Variants in UBE2Q2 observed in about 807,000 individuals in gnomAD.
UBE2Q2 encodes ubiquitin-conjugating enzyme E2 Q2.
Under a neutral mutation model 59.9 loss-of-function variants are expected in UBE2Q2, and 54 were observed. That is an observed-to-expected ratio of 0.90 (90% CI 0.72 to 1.13). UBE2Q2 has a LOEUF of 1.13. UBE2Q2 is among the 50% of genes most tolerant of loss of function. The pLI is 0.00. For synonymous variants in UBE2Q2, 165 were observed against 155.2 expected (o/e 1.06, Z -0.47); for missense variants, 433 against 441.9 (o/e 0.98, Z 0.18).
intron 12 of UBE2Q2, among the ~76,000 whole-genome samples, chr15:75,898,878 T>A (rs192826229): frequency 2.0e-5 from 3 of 152,306 alleles, no homozygotes; most frequent in African/African-American, 7.2e-5. Flanking sequence ...GCTCTTGTGT[T>A]GAAAACTCAG....
intron 1 of UBE2Q2, chr15:75,844,395 ACT>A: frequency 6.4e-7 from 1 of 1,551,190 alleles, no homozygotes; most frequent in Non-Finnish European, 8.7e-7. Flanking sequence ...TGGAATGCAG[ACT>A]CTGGTGCTGT....
At chr15:75,882,009 G>T (rs2141644851) in intron 8 of UBE2Q2, among the ~76,000 whole-genome samples, 1 of 152,302 alleles carries the variant, frequency 6.6e-6, no homozygotes, top group East Asian at 1.9e-4. Flanking sequence ...GAGGGTTGAT[G>T]TTATCTTGTC....
chr15:75,859,288 T>G (rs1897090637), intron 2 of UBE2Q2, among the ~76,000 whole-genome samples: 1 of 152,226 alleles, frequency 6.6e-6, no homozygotes, highest in Non-Finnish European at 1.5e-5. Flanking sequence ...CAGGTTTCAT[T>G]TAATCTTTAC....
chr15:75,866,884 A>C (rs1897518692), intron 3 of UBE2Q2, among the ~76,000 whole-genome samples: 1 of 152,088 alleles, frequency 6.6e-6, no homozygotes, highest in South Asian at 2.1e-4. Context: ...AGGTTTTAAA[A>C]TTCTATTTAT....
intron 1 of UBE2Q2, among the ~76,000 whole-genome samples, chr15:75,852,040 ATTTTT>A (rs1212982994): frequency 1.3e-5 from 2 of 151,682 alleles, no homozygotes; most frequent in Non-Finnish European, 2.9e-5. Flanking sequence ...TGCTTAGCTA[ATTTTT>A]TTATTTTTTT....
chr15:75,869,532 A>T (rs1240749192), intron 4 of UBE2Q2, among the ~76,000 whole-genome samples: 2 of 152,228 alleles, frequency 1.3e-5, no homozygotes, highest in Non-Finnish European at 2.9e-5. Context: ...AAGGCTGGGA[A>T]GTCCAAGATC....
At chr15:75,844,472 C>A (rs749528873) in intron 1 of UBE2Q2, 29 of 1,551,404 alleles carry the variant, frequency 1.9e-5, no homozygotes, top group Non-Finnish European at 1.4e-5. Flanking sequence ...AGCATAGTAC[C>A]GTCGTTGCGG....
chr15:75,845,258 G>A (rs1049107428), intron 1 of UBE2Q2, among the ~76,000 whole-genome samples: 4 of 152,120 alleles, frequency 2.6e-5, no homozygotes, highest in African/African-American at 9.7e-5. Context: ...GAAGGCTGGC[G>A]GAAGGGCATT....
At chr15:75,869,765 A>C in intron 4 of UBE2Q2, among the ~76,000 whole-genome samples, 1 of 152,204 alleles carries the variant, frequency 6.6e-6, no homozygotes, top group East Asian at 1.9e-4. Context: ...GAGCACATTT[A>C]AATCATAGCA....
rs1386869228 is a variant in UBE2Q2 at position 75,845,067 on chromosome 15, C to A, written c.180+1221C>A. On this transcript the variant is annotated intron_variant, in intron 1 of 12. Coordinates refer to ENST00000267938, the MANE Select transcript of UBE2Q2 (RefSeq NM_173469.4). ...CTAGTGTTGCAGAATTGAGTGAAGT[C>A]GTCCTCGCTCTCAGAACTCAGTCTT... Among the ~76,000 whole-genome samples the A allele has an allele frequency of 2.6e-5, 4 of 152,110 alleles. No individual in the cohort carries two copies. The South Asian group carries it at 8.3e-4, about 32-fold the overall frequency.
At chr15:75,895,716 G>C (rs997938553) in intron 11 of UBE2Q2, among the ~76,000 whole-genome samples, 2 of 152,010 alleles carry the variant, frequency 1.3e-5, no homozygotes, top group African/African-American at 4.8e-5. Flanking sequence ...TATATTGTCA[G>C]AAATCTACAA....
At chr15:75,892,774 G>C (rs1342469246) in intron 11 of UBE2Q2, among the ~76,000 whole-genome samples, 2 of 152,158 alleles carry the variant, frequency 1.3e-5, no homozygotes, top group Non-Finnish European at 2.9e-5. Flanking sequence ...TACTCAGGAG[G>C]CTGAGGTGGG....
At chr15:75,856,920 G>A (rs1350146209) in intron 2 of UBE2Q2, among the ~76,000 whole-genome samples, 5 of 150,190 alleles carry the variant, frequency 3.3e-5, no homozygotes, top group South Asian at 2.1e-4. Context: ...TAGCCTGGGC[G>A]ACAGAGCAAG....
intron 9 of UBE2Q2, among the ~76,000 whole-genome samples, chr15:75,885,197 G>A (rs8030948): frequency 0.93 from 141,161 of 152,078 alleles, 66,008 homozygotes; most frequent in East Asian, 1. Flanking sequence ...TCAGCTCACT[G>A]CAACCTCTGC....
chr15:75,844,125 A>T (rs764027730), intron 1 of UBE2Q2: 15 of 1,409,660 alleles, frequency 1.1e-5, no homozygotes, highest in Admixed American at 3.0e-5. Context: ...CCGAGGGGGG[A>T]GTCCGCGGCG....
intron 5 of UBE2Q2, 80 bp downstream of exon 5, chr15:75,873,648 C>T: frequency 7.0e-7 from 1 of 1,434,920 alleles, no homozygotes; most frequent in South Asian, 1.3e-5. Context: ...CATTAACATG[C>T]CCATCTCAGC....
intron 2 of UBE2Q2, among the ~76,000 whole-genome samples, chr15:75,858,800 A>G (rs923015784): frequency 6.6e-6 from 1 of 152,220 alleles, no homozygotes; most frequent in African/African-American, 2.4e-5. Flanking sequence ...TTGGGTGGAT[A>G]TCAAATCCAC....
At chr15:75,870,710 A>G (rs1448375137) in intron 4 of UBE2Q2, among the ~76,000 whole-genome samples, 1 of 152,208 alleles carries the variant, frequency 6.6e-6, no homozygotes, top group African/African-American at 2.4e-5. Context: ...AACCTTGGAC[A>G]TAGTGTGTTT....
At chr15:75,890,100 G>A (rs933397766) in intron 9 of UBE2Q2, among the ~76,000 whole-genome samples, 1 of 152,162 alleles carries the variant, frequency 6.6e-6, no homozygotes, top group Non-Finnish European at 1.5e-5. Flanking sequence ...TAAAGAACAC[G>A]TGAACGCCAT....
Sources: allele counts gnomAD v4.1 joint callset (sites outside exome capture counted in the v4.1 genomes callset), GRCh38; gene constraint gnomAD v4.1.1; transcripts MANE v1.5; gene names NCBI Gene and HGNC (gene_info 2026-07-23, HGNC 2026-07-21).